GLIS1: variants seen among roughly 807,000 people sequenced by gnomAD.
The protein encoded by GLIS1 is GLIS family zinc finger 1, also known as zinc finger protein GLIS1.
GLIS1 carries 24 observed loss-of-function variants against 63.8 expected under a neutral mutation model. The observed-to-expected ratio is 0.38, with a 90% CI of 0.27 to 0.53. The LOEUF is 0.53. Among genes scored for constraint, GLIS1 ranks in the 20% least tolerant of loss-of-function variants. The pLI, the probability that GLIS1 is intolerant of heterozygous loss-of-function variation, is 0.85. For missense variants in GLIS1, 1,036 were observed against 1,074.1 expected, an observed-to-expected ratio of 0.96 and a Z score of 0.50; for synonymous variants, 450 against 482.5, an observed-to-expected ratio of 0.93 and a Z score of 0.88.
rs1028276048 is a variant in GLIS1, at chr1:53,639,324, A to G, written c.260-39046T>C. Among the ~76,000 whole-genome samples, 19 of 152,094 alleles carry G rather than the reference A, an allele frequency of 1.2e-4. No homozygotes were observed. The highest frequency in any genetic ancestry group is 5.2e-4 in the Admixed American group (8 of 15,276). On this transcript the variant is annotated intron_variant, in intron 2 of 10. Coordinates refer to ENST00000628545, the MANE Select transcript of GLIS1 (RefSeq NM_001367484.1). This position sits in a 1 kb window ranked among gnomAD's most constrained non-coding sequence, Gnocchi z 4.6. ...CTCCACCAGTCCCACCCTCGTTCGG[A>G]GGTGTCCCCTCCCTGCAGGCTGCTC... is the stretch of plus-strand genomic sequence containing the variant.
chr1:53,537,153 G>A (rs1248709068), intron 4 of GLIS1, among the ~76,000 whole-genome samples: 7 of 152,224 alleles, frequency 4.6e-5, no homozygotes, highest in Admixed American at 2.0e-4. Flanking sequence ...TGGCATCCTC[G>A]CCTCTGGGCC....
At chr1:53,736,439 A>C (rs1368457126) in intron 2 of GLIS1, among the ~76,000 whole-genome samples, 1 of 152,206 alleles carries the variant, frequency 6.6e-6, no homozygotes. Flanking sequence ...AGAACGTTGC[A>C]GGAGGGTATC....
intron 2 of GLIS1, among the ~76,000 whole-genome samples, chr1:53,658,513 C>G (rs1645991107): frequency 6.6e-6 from 1 of 152,210 alleles, no homozygotes; most frequent in Admixed American, 6.5e-5. Context: ...AGAATTCTGT[C>G]AGGCAACACA....
intron 4 of GLIS1, among the ~76,000 whole-genome samples, chr1:53,558,293 T>TA (rs940867731): frequency 7.9e-5 from 12 of 152,232 alleles, no homozygotes; most frequent in African/African-American, 2.9e-4. Context: ...CCCAGGGCTT[T>TA]AGTCCCCTGC....
chr1:53,531,280 T>C (rs540345), intron 4 of GLIS1, among the ~76,000 whole-genome samples: 137,337 of 152,240 alleles, frequency 0.9, 62,025 homozygotes, highest in East Asian at 0.99. Context: ...CATGGGACCC[T>C]GCCCCTCTGA....
chr1:53,722,370 T>G (rs1034203736), intron 2 of GLIS1, among the ~76,000 whole-genome samples: 2 of 152,214 alleles, frequency 1.3e-5, no homozygotes, highest in African/African-American at 4.8e-5. Context: ...TTCTGAACTA[T>G]TATGCACATG....
At chr1:53,582,299 C>A (rs1645092968) in intron 4 of GLIS1, among the ~76,000 whole-genome samples, 1 of 152,222 alleles carries the variant, frequency 6.6e-6, no homozygotes, top group East Asian at 1.9e-4. Flanking sequence ...CTGACCCTAA[C>A]ACCCACAGCA....
intron 4 of GLIS1, among the ~76,000 whole-genome samples, chr1:53,544,328 G>C (rs1644676400): frequency 6.6e-6 from 1 of 152,176 alleles, no homozygotes; most frequent in African/African-American, 2.4e-5. Flanking sequence ...CTGGAGATGG[G>C]AGAAGGGGAA....
At chr1:53,551,670 C>T (rs202084339) in intron 4 of GLIS1, among the ~76,000 whole-genome samples, 4 of 146,268 alleles carry the variant, frequency 2.7e-5, no homozygotes, top group East Asian at 2.0e-4. Context: ...AGTCCCTCCC[C>T]GGTGAGGGCA....
chr1:53,693,826 T>C (rs1646434814), intron 2 of GLIS1, among the ~76,000 whole-genome samples: 1 of 152,176 alleles, frequency 6.6e-6, no homozygotes, highest in Non-Finnish European at 1.5e-5. Context: ...TTTTCATCGA[T>C]CGCTGCCTTA....
At position 53,506,648 on chromosome 1, in the gene GLIS1, G is replaced by T. The variant is rs765127307; in HGVS notation, c.2359C>A (p.His787Asn). The T allele has an allele frequency of 1.1e-5, 18 of 1,591,592 alleles. No homozygotes were observed. In the South Asian group the frequency reaches 1.8e-4, roughly 16 times the overall value. The change falls in exon 11 of 11, where the codon CAC (histidine) becomes AAC (asparagine). Residue 787 changes from histidine to asparagine, a missense_variant. This residue lies in a region of GLIS1 where 400 missense variants were observed against 400.9 expected (regional missense o/e 1.00). Transcript: ENST00000628545. ...PNGAFDHCLG[H>N]IPSIYTDT is the part of the protein sequence containing the mutation. ...GTGTCTGTGTAGATGGAGGGGATGT[G>T]GCCCAGGCAGTGGTCAAAGGCTCCA...
chr1:53,551,993 TC>T (rs996303831), intron 4 of GLIS1, among the ~76,000 whole-genome samples: 6 of 150,488 alleles, frequency 4.0e-5, no homozygotes, highest in Non-Finnish European at 7.4e-5. Context: ...AACCAAACAC[TC>T]CCCAATCACA....
intron 4 of GLIS1, among the ~76,000 whole-genome samples, chr1:53,590,576 C>A (rs1645180966): frequency 6.6e-6 from 1 of 152,112 alleles, no homozygotes; most frequent in Non-Finnish European, 1.5e-5. Context: ...GGAGAACCAA[C>A]CTAAGAAAGC....
At chr1:53,533,893 T>C (rs993887483) in intron 4 of GLIS1, among the ~76,000 whole-genome samples, 1 of 152,118 alleles carries the variant, frequency 6.6e-6, no homozygotes, top group Non-Finnish European at 1.5e-5. Context: ...CTGTCACAAA[T>C]GTGGCACCTT....
intron 4 of GLIS1, among the ~76,000 whole-genome samples, chr1:53,580,581 G>C (rs1399895912): frequency 6.6e-6 from 1 of 152,156 alleles, no homozygotes; most frequent in East Asian, 1.9e-4. Flanking sequence ...CGCTGATGCT[G>C]ACAGAGGGTA....
chr1:53,640,829 A>G (rs554747756), intron 2 of GLIS1, among the ~76,000 whole-genome samples: 9 of 151,866 alleles, frequency 5.9e-5, no homozygotes, highest in East Asian at 3.9e-4. Context: ...ATGCATGTGC[A>G]CACACACACA....
chr1:53,535,603 C>T (rs1418308764), intron 4 of GLIS1, among the ~76,000 whole-genome samples: 1 of 151,954 alleles, frequency 6.6e-6, no homozygotes, highest in African/African-American at 2.4e-5. Context: ...GGCCCTGCAT[C>T]CAACTAGTCA....
At chr1:53,672,443 G>T (rs1646162499) in intron 2 of GLIS1, among the ~76,000 whole-genome samples, 1 of 152,114 alleles carries the variant, frequency 6.6e-6, no homozygotes, top group South Asian at 2.1e-4. Flanking sequence ...ATCCTTCAAG[G>T]CCCAGCCCCA....
chr1:53,523,107 C>T (rs1040673645), intron 6 of GLIS1, among the ~76,000 whole-genome samples: 6 of 151,224 alleles, frequency 4.0e-5, no homozygotes, highest in African/African-American at 1.5e-4. Context: ...CGAGCTAGGG[C>T]TATAGTGAAG....
Sources: gnomAD v4.1 joint callset for allele counts (sites outside exome capture counted in the v4.1 genomes callset) on GRCh38, gnomAD v4.1.1 for gene constraint, gnomAD v4.1.1 regional missense constraint, Gnocchi (gnomAD v3.1) non-coding constraint, MANE v1.5 for transcripts, NCBI Gene and HGNC (gene_info 2026-07-23, HGNC 2026-07-21) for gene names.